The following NEDD4L variants were observed in gnomAD, a reference collection of about 807,000 sequenced individuals.
NEDD4L encodes the protein E3 ubiquitin-protein ligase NEDD4-like.
In NEDD4L, 54 loss-of-function variants were observed where a neutral mutation model predicts 148.9. The ratio of observed to expected loss-of-function variants is 0.36; its 90% CI spans 0.29 to 0.45. The LOEUF (loss-of-function observed/expected upper bound fraction) is 0.45, where lower values mean the gene tolerates loss of function less well. Ranked by LOEUF, NEDD4L falls within the 20% of genes least tolerant of loss-of-function variation. The pLI is 1.00. For missense variants in NEDD4L, 856 were observed against 1,233.8 expected (o/e 0.69, Z 4.59); for synonymous variants, 433 against 440.7 (o/e 0.98, Z 0.22).
chr18:58,387,377 C>A, intron 26 of NEDD4L, 62 bp from the exon 27 acceptor site: 1 of 1,436,798 alleles, frequency 7.0e-7, no homozygotes, highest in South Asian at 1.4e-5. Flanking sequence ...TTTGTTTTTC[C>A]TGTGAAATTT....
At chr18:58,220,172 T>C (rs1040777612) in intron 2 of NEDD4L, among the ~76,000 whole-genome samples, 1 of 152,170 alleles carries the variant, frequency 6.6e-6, no homozygotes, top group African/African-American at 2.4e-5. Flanking sequence ...CCCAGCACTT[T>C]GGGAGGCCGA....
intron 2 of NEDD4L, among the ~76,000 whole-genome samples, chr18:58,177,949 G>A (rs1435999185): frequency 6.6e-6 from 1 of 152,064 alleles, no homozygotes; most frequent in Non-Finnish European, 1.5e-5. Flanking sequence ...TCTAAATCAG[G>A]GCCTAACAAG....
intron 1 of NEDD4L, among the ~76,000 whole-genome samples, chr18:58,063,865 T>A (rs1337025132): frequency 1.3e-5 from 2 of 150,344 alleles, no homozygotes; most frequent in Non-Finnish European, 3.0e-5. Flanking sequence ...TAGTGCAGTA[T>A]TTTTAAGCTT....
At chr18:58,356,288 C>CTTTTTTTT (rs34623575) in intron 18 of NEDD4L, among the ~76,000 whole-genome samples, 1 of 136,736 alleles carries the variant, frequency 7.3e-6, no homozygotes. Context: ...TTTTCTTCTT[C>CTTTTTTTT]TTTTTTTTTT....
intron 19 of NEDD4L, 122 bp from the exon 20 acceptor site, chr18:58,364,146 T>C (rs1163187491): frequency 5.9e-6 from 4 of 679,972 alleles, no homozygotes; most frequent in Admixed American, 2.7e-5. Flanking sequence ...TTTCCATGGA[T>C]AATCTGAGAA....
chr18:58,255,826 C>A (rs1440989002), intron 5 of NEDD4L: 2 of 1,232,494 alleles, frequency 1.6e-6, no homozygotes, highest in African/African-American at 3.1e-5. Flanking sequence ...TGCAGGGAGG[C>A]GTGGGTGCGC....
chr18:58,255,624 T>C, intron 5 of NEDD4L: 1 of 1,232,506 alleles, frequency 8.1e-7, no homozygotes. Flanking sequence ...CTAGCCCTCC[T>C]GGCCCCCCTG....
intron 1 of NEDD4L, among the ~76,000 whole-genome samples, chr18:58,076,725 C>T (rs940733758): frequency 1.5e-4 from 23 of 152,126 alleles, no homozygotes; most frequent in Admixed American, 1.2e-3. Context: ...CAGAATGGCT[C>T]CAGTTCCCCC....
Position 58,255,420 on chromosome 18 carries a change from TCA to T in NEDD4L, c.297+3369_297+3370del, listed in dbSNP as rs377588930. On this transcript the variant is annotated intron_variant, in intron 5 of 30. Transcript: ENST00000400345. The stretch of plus-strand genomic sequence containing the variant: ...GTGGTTCTGGCCACCCTACCCTCTG[TCA>T]CAGTGTGGATGAGAGCTTTTTGCTC... The T allele has an allele frequency of 2.1e-3, 2,132 of 996,906 alleles. 4 individuals are homozygous for T. Among genetic ancestry groups the T allele is most frequent in the Middle Eastern group, 0.012 (34 of 2,726 alleles). 61.8% of individuals were successfully genotyped at this position (996,906 alleles called of 1,614,324 possible).
At chr18:58,142,077 C>T (rs538076001) in intron 1 of NEDD4L, among the ~76,000 whole-genome samples, 17 of 112,750 alleles carry the variant, frequency 1.5e-4, no homozygotes, top group African/African-American at 3.6e-4. Context: ...GACAGAGTCT[C>T]GCTCTGTCAC....
chr18:58,044,297 G>A lies in NEDD4L; in HGVS notation c.-364G>A, dbSNP rs1329385432. On this transcript the variant is annotated 5_prime_UTR_variant, in exon 1 of 31. Coordinates refer to ENST00000400345, the MANE Select transcript of NEDD4L (RefSeq NM_001144967.3). ...GTCCCCGGGAGCGCAGAGGAGGCTC[G>A]GAGGGGGGCGGAGAGCGGCGGGGCG... is the stretch of plus-strand genomic sequence containing the variant. 1 of 151,922 alleles carries A rather than the reference G, an allele frequency of 6.6e-6. No homozygotes were observed. The highest frequency in any genetic ancestry group is 2.4e-5 in the African/African-American group (1 of 41,260). The allele number at this position is 151,922 out of a possible 1,614,324, so 9.4% of individuals were successfully genotyped here.
chr18:58,327,952 T>A (rs556563491), intron 9 of NEDD4L, among the ~76,000 whole-genome samples: 3 of 152,128 alleles, frequency 2.0e-5, no homozygotes, highest in African/African-American at 7.2e-5. Flanking sequence ...GTTTTCTTTT[T>A]TCTTTTTTTT....
At chr18:58,348,068 C>T (rs190867914) in intron 16 of NEDD4L, among the ~76,000 whole-genome samples, 246 of 151,958 alleles carry the variant, frequency 1.6e-3, no homozygotes, top group African/African-American at 5.3e-3. Flanking sequence ...TCACAGTTTA[C>T]GGCTCACTGC....
intron 5 of NEDD4L, among the ~76,000 whole-genome samples, chr18:58,285,705 G>A (rs1279566200): frequency 6.6e-6 from 1 of 152,086 alleles, no homozygotes; most frequent in Non-Finnish European, 1.5e-5. Context: ...TTGCAAAGGC[G>A]GTTTTATTGA....
chr18:58,309,320 T>A (rs972220309), intron 5 of NEDD4L, among the ~76,000 whole-genome samples: 1 of 152,182 alleles, frequency 6.6e-6, no homozygotes, highest in Non-Finnish European at 1.5e-5. Context: ...CTCAGGACCC[T>A]GCTTGAAGTT....
chr18:58,378,161 C>T (rs2047821822), intron 24 of NEDD4L, among the ~76,000 whole-genome samples: 1 of 152,154 alleles, frequency 6.6e-6, no homozygotes, highest in Non-Finnish European at 1.5e-5. Flanking sequence ...GAGCCAGTCT[C>T]CATAGGAATG....
At chr18:58,234,543 C>T (rs2045780386) in intron 2 of NEDD4L, among the ~76,000 whole-genome samples, 1 of 152,010 alleles carries the variant, frequency 6.6e-6, no homozygotes. Context: ...CTATGTTGCC[C>T]AGGCTGGCTT....
intron 1 of NEDD4L, among the ~76,000 whole-genome samples, chr18:58,075,783 T>G (rs1007153505): frequency 7.2e-5 from 11 of 152,030 alleles, no homozygotes; most frequent in African/African-American, 2.7e-4. Context: ...TTTTTTAAAT[T>G]AGCTGGTGGT....
intron 1 of NEDD4L, chr18:58,090,700 A>G (rs2084026702): frequency 6.6e-6 from 1 of 152,174 alleles, no homozygotes; most frequent in Admixed American, 6.5e-5. Flanking sequence ...CTGGACTTGA[A>G]TTCCTGACCT....
Sources: gnomAD v4.1 joint callset for allele counts (sites outside exome capture counted in the v4.1 genomes callset) on GRCh38, gnomAD v4.1.1 for gene constraint, MANE v1.5 for transcripts, NCBI Gene and HGNC (gene_info 2026-07-23, HGNC 2026-07-21) for gene names.